Variants in CNTLN observed in about 807,000 individuals in gnomAD.
CNTLN encodes the protein centlein, also known as centlein, centrosomal protein.
CNTLN carries 212 observed loss-of-function variants against 180.0 expected under a neutral mutation model. That is an observed-to-expected ratio of 1.18 (90% CI 1.05 to 1.32). The LOEUF is 1.32. Ranked by LOEUF, CNTLN falls within the 40% of genes most tolerant of loss-of-function variation. The pLI is 0.00. For synonymous variants in CNTLN, 722 were observed against 563.1 expected, an observed-to-expected ratio of 1.28 and a Z score of -3.99; for missense variants, 2,095 against 1,610.9, an observed-to-expected ratio of 1.30 and a Z score of -5.14.
chr9:17,294,500 T>C (rs1321509784), intron 6 of CNTLN, among the ~76,000 whole-genome samples: 1 of 151,540 alleles, frequency 6.6e-6, no homozygotes, highest in African/African-American at 2.4e-5. Flanking sequence ...ACGGTGCTGA[T>C]TGGTGTGTTC....
intron 7 of CNTLN, among the ~76,000 whole-genome samples, chr9:17,307,235 A>G (rs1416539798): frequency 1.3e-5 from 2 of 152,062 alleles, no homozygotes; most frequent in Admixed American, 6.6e-5. Context: ...AGTGAAGTGG[A>G]TTATTTTAAA....
Position 17,208,849 on chromosome 9 carries a change from T to A in CNTLN, c.450-17354T>A, listed in dbSNP as rs894456383. On this transcript the variant is annotated intron_variant, in intron 2 of 25. Coordinates refer to ENST00000380647, the MANE Select transcript of CNTLN (RefSeq NM_017738.4). ...TGATTTTATTTGTGTCTTCTCTCTT[T>A]TCTTATTAATTAGTCTGGCTAAGGA... is the stretch of plus-strand genomic sequence containing the variant. Among the ~76,000 whole-genome samples, 4 of 152,284 alleles carry A rather than the reference T, an allele frequency of 2.6e-5. No homozygotes were observed. The East Asian group carries it at 7.7e-4, about 29-fold the overall frequency.
At chr9:17,493,970 T>C (rs1309793057) in intron 25 of CNTLN, among the ~76,000 whole-genome samples, 4 of 152,164 alleles carry the variant, frequency 2.6e-5, no homozygotes, top group Non-Finnish European at 4.4e-5. Context: ...TCAAGGCAAG[T>C]AACTAAAGCC....
chr9:17,507,202 C>G (rs1204146521), downstream of CNTLN, among the ~76,000 whole-genome samples: 1 of 152,012 alleles, frequency 6.6e-6, no homozygotes, highest in African/African-American at 2.4e-5. Flanking sequence ...TTGTGTGTAC[C>G]CAATGTTTAT....
intron 2 of CNTLN, among the ~76,000 whole-genome samples, chr9:17,143,791 G>T (rs1220928545): frequency 6.6e-6 from 1 of 152,192 alleles, no homozygotes; most frequent in Non-Finnish European, 1.5e-5. Context: ...GAAAGCCGGG[G>T]ATGACCTTGC....
chr9:17,466,208 A>G lies in CNTLN; in HGVS notation c.3669+90A>G, dbSNP rs190288944. On this transcript the variant is annotated intron_variant, in intron 22 of 25. Coordinates refer to ENST00000380647, the MANE Select transcript of CNTLN (RefSeq NM_017738.4). ...ACATTGTTGCTTTTTCCTTCCCAAA[A>G]CCACAAGCTACTTAAACACTTCAGA... 1.6e-4 allele frequency: 179 copies of G among 1,106,676 alleles called. No homozygotes were observed. The African/African-American group carries it at 2.5e-3, about 16-fold the overall frequency. The allele number at this position is 1,106,676 out of a possible 1,614,324, so 68.6% of individuals were successfully genotyped here. A position where few individuals can be genotyped will look rare whatever the true frequency, so the allele number is the denominator to read the frequency against.
chr9:17,175,715 T>G (rs1363102950), intron 2 of CNTLN, among the ~76,000 whole-genome samples: 2 of 151,612 alleles, frequency 1.3e-5, no homozygotes, highest in Non-Finnish European at 2.9e-5. Context: ...AGATATCAAT[T>G]TGGGGGAGAA....
chr9:17,502,607 G>A lies in CNTLN; in HGVS notation c.4176G>A (p.Lys1392=), dbSNP rs777722211. Residue 1392 remains lysine (K), a synonymous_variant, in exon 26 of 26, where the codon AAG becomes AAA. Coordinates refer to ENST00000380647, the MANE Select transcript of CNTLN (RefSeq NM_017738.4). ...EAVLEKINEK[K]KLVEGYFTIM... is the part of the protein sequence containing the mutation. ...TACTGGAAAAAATAAATGAAAAAAA[G>A]AAACTAGTTGAAGGATATTTCACAA... 7.2e-7 allele frequency: 1 copy of A among 1,392,814 alleles called. No homozygotes were observed. Among genetic ancestry groups the A allele is most frequent in the Non-Finnish European group, 9.8e-7 (1 of 1,015,596 alleles). 86.3% of individuals were successfully genotyped at this position (1,392,814 alleles called of 1,614,324 possible).
chr9:17,335,000 A>G (rs746726439), intron 10 of CNTLN, among the ~76,000 whole-genome samples: 5 of 152,262 alleles, frequency 3.3e-5, no homozygotes, highest in Admixed American at 3.3e-4. Context: ...CCCAAAAACT[A>G]TAGAACCAGG....
intron 5 of CNTLN, among the ~76,000 whole-genome samples, chr9:17,264,524 TG>T (rs1248826989): frequency 1.4e-5 from 2 of 146,296 alleles, no homozygotes; most frequent in Non-Finnish European, 3.0e-5. Context: ...CTGGGTGATG[TG>T]GGCTCTCTTT....
At chr9:17,388,752 A>G (rs1825874101) in intron 14 of CNTLN, among the ~76,000 whole-genome samples, 1 of 151,900 alleles carries the variant, frequency 6.6e-6, no homozygotes, top group Non-Finnish European at 1.5e-5. Flanking sequence ...ATGATTTAGT[A>G]CAGCATTTTA....
chr9:17,267,614 G>C (rs1415042775), intron 5 of CNTLN, among the ~76,000 whole-genome samples: 1 of 151,950 alleles, frequency 6.6e-6, no homozygotes, highest in Non-Finnish European at 1.5e-5. Flanking sequence ...AGTTCTCCTG[G>C]ATAATATCCT....
chr9:17,147,815 A>T (rs913594851), intron 2 of CNTLN, among the ~76,000 whole-genome samples: 8 of 152,184 alleles, frequency 5.3e-5, no homozygotes, highest in African/African-American at 1.7e-4. Flanking sequence ...GGCTATTTTT[A>T]AAAATAGTAT....
Position 17,330,685 on chromosome 9 carries a change from G to C in CNTLN, c.1395G>C (p.Lys465Asn). Residue 465 changes from lysine (K) to asparagine (N), a missense_variant, in exon 9 of 26, where the codon AAG becomes AAC. By Grantham distance (94) the Lys-to-Asn change is moderately conservative (BLOSUM62 0). Coordinates refer to ENST00000380647, the MANE Select transcript of CNTLN (RefSeq NM_017738.4). ...TAGAAACGTTAATGGTTTCACAGAA[G>C]TCTGAAATTGAGTATTTACAGGAGA... ...SSLETLMVSQKSEIEYLQEKL... is the reference protein window; with the variant it reads ...SSLETLMVSQNSEIEYLQEKL... 1 of 1,611,454 alleles carries C rather than the reference G, an allele frequency of 6.2e-7. No individual in the cohort carries two copies.
intron 7 of CNTLN, among the ~76,000 whole-genome samples, chr9:17,308,757 C>G (rs991198924): frequency 2.0e-5 from 3 of 151,800 alleles, no homozygotes; most frequent in Non-Finnish European, 4.4e-5. Context: ...TTTTCTTCCT[C>G]AGAAATTTGG....
chr9:17,309,274 T>A, intron 8 of CNTLN, 22 bp downstream of exon 8: 1 of 1,489,502 alleles, frequency 6.7e-7, no homozygotes, highest in South Asian at 1.4e-5. Flanking sequence ...TTTCTAAAAC[T>A]GTTATTCAGT....
intron 2 of CNTLN, among the ~76,000 whole-genome samples, chr9:17,193,008 G>GA (rs1352882451): frequency 6.6e-6 from 1 of 152,104 alleles, no homozygotes; most frequent in African/African-American, 2.4e-5. Flanking sequence ...TGAGGAAGAT[G>GA]AAAACGTGGA....
chr9:17,355,222 T>C (rs1462788351), intron 12 of CNTLN, among the ~76,000 whole-genome samples: 1 of 152,202 alleles, frequency 6.6e-6, no homozygotes, highest in East Asian at 1.9e-4. Context: ...GGTTTCGCCA[T>C]GTTGCCAACA....
At chr9:17,495,198 A>G (rs1833387641) in intron 25 of CNTLN, among the ~76,000 whole-genome samples, 1 of 151,910 alleles carries the variant, frequency 6.6e-6, no homozygotes, top group Non-Finnish European at 1.5e-5. Context: ...TACGCATTTT[A>G]TCATTATTTT....
Sources: gnomAD v4.1 joint callset for allele counts (sites outside exome capture counted in the v4.1 genomes callset) on GRCh38, gnomAD v4.1.1 for gene constraint, MANE v1.5 for transcripts, NCBI Gene and HGNC (gene_info 2026-07-23, HGNC 2026-07-21) for gene names.